Variants in ARHGAP32 observed in about 807,000 individuals in gnomAD.
ARHGAP32 encodes Rho GTPase activating protein 32, also known as rho GTPase-activating protein 32.
Under a neutral mutation model 186.5 loss-of-function variants are expected in ARHGAP32, and 51 were observed. The ratio of observed to expected loss-of-function variants is 0.27; its 90% CI spans 0.22 to 0.35. The LOEUF (loss-of-function observed/expected upper bound fraction) is 0.35. ARHGAP32 is among the 10% of genes least tolerant of loss of function. The pLI, the probability that ARHGAP32 is intolerant of heterozygous loss-of-function variation, is 1.00. For missense variants in ARHGAP32, 2,186 were observed against 2,623.5 expected, an observed-to-expected ratio of 0.83 and a Z score of 3.64; for synonymous variants, 950 against 964.3, an observed-to-expected ratio of 0.99 and a Z score of 0.27.
chr11:129,236,414 ATT>A (rs780200302), intron 1 of ARHGAP32, among the ~76,000 whole-genome samples: 9 of 151,498 alleles, frequency 5.9e-5, no homozygotes, highest in Non-Finnish European at 1.3e-4. Flanking sequence ...TTTTTGTGGG[ATT>A]GTTTGGTTTG....
chr11:129,117,197 G>A (rs908144049), intron 5 of ARHGAP32, among the ~76,000 whole-genome samples: 2 of 151,964 alleles, frequency 1.3e-5, no homozygotes, highest in Admixed American at 6.6e-5. Flanking sequence ...TGGCTCTAGT[G>A]TCAGGCCGCC....
intron 2 of ARHGAP32, among the ~76,000 whole-genome samples, chr11:129,159,789 T>C (rs1056309769): frequency 6.6e-6 from 1 of 152,134 alleles, no homozygotes; most frequent in Admixed American, 6.6e-5. Flanking sequence ...TTCAGGCCAA[T>C]ATCCCTGATG....
chr11:129,017,666 G>A (rs1938417804), intron 11 of ARHGAP32, among the ~76,000 whole-genome samples: 4 of 151,996 alleles, frequency 2.6e-5, no homozygotes, highest in Non-Finnish European at 5.9e-5. Flanking sequence ...GAATCATCTG[G>A]ATTTATAAAT....
Position 128,986,020 on chromosome 11 carries a change from G to A in ARHGAP32, c.1509C>T (p.Leu503=), listed in dbSNP as rs557153725. Residue 503 remains leucine, a synonymous_variant, in exon 15 of 23, where the codon CTC becomes CTT. Coordinates refer to ENST00000682385, the MANE Select transcript of ARHGAP32 (RefSeq NM_001378024.1). ...LIKIHDVIQQ[L]PPPHYRTLEF... ...TGGCTGACCTGTAGTGTGGTGGGGGGAGCTGCTGGATGACATCGTGGATTT... is the reference window on the plus strand; with the variant it reads ...TGGCTGACCTGTAGTGTGGTGGGGGAAGCTGCTGGATGACATCGTGGATTT... 6.2e-7 allele frequency: 1 copy of A among 1,608,232 alleles called. No individual in the cohort carries two copies. The highest frequency in any genetic ancestry group is 1.3e-5 in the African/African-American group (1 of 74,468).
chr11:129,039,128 C>A (rs1356056871), intron 11 of ARHGAP32, among the ~76,000 whole-genome samples: 1 of 152,132 alleles, frequency 6.6e-6, no homozygotes, highest in Non-Finnish European at 1.5e-5. Flanking sequence ...CTGGAAGTCT[C>A]ATACACTGCT....
intron 15 of ARHGAP32, 172 bp downstream of exon 15, chr11:128,985,831 C>CGTGTGTGTGT (rs369790310): frequency 2.6e-5 from 3 of 115,610 alleles, no homozygotes; most frequent in African/African-American, 7.4e-5. Context: ...TGTGTGTGTG[C>CGTGTGTGTGT]GTGTGTGTGT....
At chr11:129,180,295 G>C (rs902829534) in intron 1 of ARHGAP32, among the ~76,000 whole-genome samples, 2 of 152,110 alleles carry the variant, frequency 1.3e-5, no homozygotes, top group East Asian at 3.9e-4. Context: ...TTAAGTTCAA[G>C]AACAGGCTAA....
In ARHGAP32 at chr11:128,970,654, C is replaced by A. The variant is rs1945340604; in HGVS notation, c.4559G>T (p.Ser1520Ile). The change falls in exon 23 of 23, where the codon AGT becomes ATT. Residue 1520 changes from serine to isoleucine, a missense_variant. This residue lies in a region of ARHGAP32 where 1,502 missense variants were observed against 1,570.0 expected (regional missense o/e 0.96). Transcript: ENST00000682385. This position sits in a 1 kb window ranked among gnomAD's most constrained non-coding sequence, Gnocchi z 5.8. ...MTPNCQYRPQ[S>I]VPPHHNKLEQ... The stretch of plus-strand genomic sequence containing the variant: ...CAATTTATTGTGATGGGGAGGTACA[C>A]TCTGGGGACGGTACTGGCAGTTTGG... 6.2e-7 allele frequency: 1 copy of A among 1,614,036 alleles called. No homozygotes were observed. The highest frequency in any genetic ancestry group is 8.5e-7 in the Non-Finnish European group (1 of 1,180,050).
chr11:129,002,839 C>A, intron 11 of ARHGAP32, among the ~76,000 whole-genome samples: 1 of 120,736 alleles, frequency 8.3e-6, no homozygotes, highest in East Asian at 2.5e-4. Context: ...GACGGAGTCT[C>A]GCTCTGTCAC....
intron 15 of ARHGAP32, among the ~76,000 whole-genome samples, chr11:128,983,686 G>C (rs574557806): frequency 1.4e-3 from 213 of 150,156 alleles, no homozygotes; most frequent in Middle Eastern, 0.01. Context: ...AGGCTCCTCA[G>C]CCAAAAAAAA....
chr11:129,136,712 TTTAA>T (rs775904106), intron 2 of ARHGAP32, among the ~76,000 whole-genome samples: 2 of 152,082 alleles, frequency 1.3e-5, no homozygotes, highest in Admixed American at 6.5e-5. Flanking sequence ...CTATTAAGTC[TTTAA>T]TTAAAATTAA....
At position 129,014,971 on chromosome 11, in the gene ARHGAP32, T is replaced by C. The variant is rs141567057; in HGVS notation, c.1046-16503A>G. On this transcript the variant is annotated intron_variant, in intron 11 of 22. Transcript: ENST00000682385. ...TTAATTTAAAATTCCATAAATTGCTTTTATTTAAAGCACGACAATATATCT... is the reference window on the plus strand; with the variant it reads ...TTAATTTAAAATTCCATAAATTGCTCTTATTTAAAGCACGACAATATATCT... Among the ~76,000 whole-genome samples, 773 of 152,320 alleles carry C rather than the reference T, an allele frequency of 5.1e-3. 4 individuals are homozygous for C. The highest frequency in any genetic ancestry group is 0.018 in the African/African-American group (735 of 41,574).
At chr11:128,995,119 T>C (rs1228404645) in intron 12 of ARHGAP32, among the ~76,000 whole-genome samples, 1 of 152,238 alleles carries the variant, frequency 6.6e-6, no homozygotes, top group East Asian at 1.9e-4. Context: ...TATTCATTTC[T>C]CATATCACCT....
intron 1 of ARHGAP32, among the ~76,000 whole-genome samples, chr11:129,273,591 A>C (rs1945496453): frequency 6.6e-6 from 1 of 152,146 alleles, no homozygotes; most frequent in South Asian, 2.1e-4. Flanking sequence ...TCTGTGTTTG[A>C]TATCCTGGGT....
chr11:129,093,533 G>A lies in ARHGAP32; in HGVS notation c.531+88C>T, dbSNP rs1244024846. ...ATTTTTCTGTGGATTATATCCTTTA[G>A]GCAAATCACGTTATAGAAATAAATT... On this transcript the variant is annotated intron_variant, in intron 6 of 22. Transcript: ENST00000682385. 59 of 900,894 alleles carry A rather than the reference G, an allele frequency of 6.5e-5. No homozygotes were observed. In the Middle Eastern group the frequency reaches 1.3e-3, roughly 19 times the overall value. 55.8% of individuals were successfully genotyped at this position (900,894 alleles called of 1,614,324 possible). A position where few individuals can be genotyped will look rare whatever the true frequency, so the allele number is the denominator to read the frequency against.
rs184802314 is a variant in ARHGAP32 at position 129,035,646 on chromosome 11, G to A, written c.1045+5282C>T. ...GCGGATCACTTGAGGTCAGGAGTTC[G>A]AGACCAGGTGGTCAACATGAAACCT... On this transcript the variant is annotated intron_variant, in intron 11 of 22. Transcript: ENST00000682385. Among the ~76,000 whole-genome samples, 41 of 152,084 alleles carry A rather than the reference G, an allele frequency of 2.7e-4. No homozygotes were observed. In the East Asian group the frequency reaches 5.2e-3, roughly 19 times the overall value.
At chr11:129,124,940 A>G (rs1942626093) in intron 2 of ARHGAP32, 46 bp from the exon 3 acceptor site, 4 of 1,435,088 alleles carry the variant, frequency 2.8e-6, no homozygotes, top group Non-Finnish European at 1.9e-6. Flanking sequence ...CTTTAGTATT[A>G]CACTTTTTTA....
intron 1 of ARHGAP32, among the ~76,000 whole-genome samples, chr11:129,214,391 T>G (rs930125181): frequency 6.6e-6 from 1 of 152,242 alleles, no homozygotes; most frequent in Non-Finnish European, 1.5e-5. Flanking sequence ...AACTTTTCCA[T>G]AAATCTAAAA....
At chr11:129,237,015 T>C (rs1202365091) in intron 1 of ARHGAP32, among the ~76,000 whole-genome samples, 2 of 152,214 alleles carry the variant, frequency 1.3e-5, no homozygotes, top group African/African-American at 4.8e-5. Context: ...ATCATGTGAT[T>C]TCCATTTTTC....
Sources: allele counts gnomAD v4.1 joint callset (sites outside exome capture counted in the v4.1 genomes callset), GRCh38; gene constraint gnomAD v4.1.1; regional missense constraint gnomAD v4.1.1; non-coding constraint Gnocchi (gnomAD v3.1); transcripts MANE v1.5; gene names NCBI Gene and HGNC (gene_info 2026-07-23, HGNC 2026-07-21).